Variants in LUZP2 observed in about 807,000 individuals in gnomAD.
LUZP2 encodes leucine zipper protein 2.
A neutral mutation model predicts 51.6 loss-of-function variants in LUZP2; 52 were observed. That is an observed-to-expected ratio of 1.01 (90% CI 0.81 to 1.27). The LOEUF is 1.27. Among genes scored for constraint, LUZP2 ranks in the 50% most tolerant of loss-of-function variants. The pLI is 0.00. For missense variants in LUZP2, 436 were observed against 395.4 expected (o/e 1.10, Z -0.87); for synonymous variants, 154 against 137.3 (o/e 1.12, Z -0.85).
At chr11:24,818,649 TCAA>T (rs1174077041) in intron 5 of LUZP2, among the ~76,000 whole-genome samples, 1 of 152,084 alleles carries the variant, frequency 6.6e-6, no homozygotes, top group Admixed American at 6.6e-5. Context: ...ATTTGTTTAT[TCAA>T]CAAATATTTA....
chr11:25,033,402 CAT>C (rs1219983047), intron 9 of LUZP2, among the ~76,000 whole-genome samples: 4 of 146,386 alleles, frequency 2.7e-5, no homozygotes, highest in South Asian at 4.5e-4. Flanking sequence ...TAAAAATAAA[CAT>C]GTTAGAATCA....
intron 1 of LUZP2, among the ~76,000 whole-genome samples, chr11:24,712,601 A>T (rs542515854): frequency 5.9e-5 from 9 of 152,124 alleles, no homozygotes; most frequent in Non-Finnish European, 1.2e-4. Context: ...ATTTGATCAG[A>T]TATGGAGGGT....
chr11:24,507,838 G>A (rs1850187513), intron 1 of LUZP2, among the ~76,000 whole-genome samples: 1 of 151,892 alleles, frequency 6.6e-6, no homozygotes, highest in African/African-American at 2.4e-5. Context: ...GGTTGGTTTT[G>A]CATGATGTTA....
intron 1 of LUZP2, among the ~76,000 whole-genome samples, chr11:24,546,764 T>C (rs944596969): frequency 3.9e-5 from 6 of 152,076 alleles, no homozygotes; most frequent in Admixed American, 6.6e-5. Flanking sequence ...CAGGTTTTTG[T>C]ATCAGAATGA....
rs1304693659 is a variant in LUZP2, at chr11:24,824,390, A to AAAAAAAAAAAAT, written c.396+61085_396+61086insAAAAAAAATAAA. Among the ~76,000 whole-genome samples the AAAAAAAAAAAAT allele has an allele frequency of 1.8e-4, 26 of 147,674 alleles. 1 individual carries two copies. Among genetic ancestry groups the AAAAAAAAAAAAT allele is most frequent in the African/African-American group, 6.3e-4 (25 of 39,404 alleles). On this transcript the variant is annotated intron_variant, in intron 5 of 11. Transcript: ENST00000336930. ...TCAAAAAAAAAAAAAAAAAAAAAAA[A>AAAAAAAAAAAAT]AAATGAGTGGTACCATTTACTGTGA...
chr11:24,959,347 G>A (rs1028233380), intron 7 of LUZP2, among the ~76,000 whole-genome samples: 1 of 152,120 alleles, frequency 6.6e-6, no homozygotes, highest in Non-Finnish European at 1.5e-5. Flanking sequence ...ACCTTGGGCA[G>A]TATGGCCATT....
At chr11:24,691,722 G>A (rs1418276467) in intron 1 of LUZP2, among the ~76,000 whole-genome samples, 3 of 152,004 alleles carry the variant, frequency 2.0e-5, no homozygotes, top group African/African-American at 7.2e-5. Context: ...GACTTAACAA[G>A]TTGTTATTTG....
intron 10 of LUZP2, among the ~76,000 whole-genome samples, chr11:25,052,033 C>G (rs937905244): frequency 6.6e-6 from 1 of 152,050 alleles, no homozygotes; most frequent in Non-Finnish European, 1.5e-5. Context: ...TCAGTCTGGA[C>G]CTGGGGCTCT....
At chr11:24,664,542 C>G (rs1016533394) in intron 1 of LUZP2, among the ~76,000 whole-genome samples, 4 of 152,098 alleles carry the variant, frequency 2.6e-5, no homozygotes, top group Admixed American at 2.0e-4. Context: ...CCTCCTCCCC[C>G]ACTCCATCAC....
intron 1 of LUZP2, among the ~76,000 whole-genome samples, chr11:24,716,139 T>G (rs1207412271): frequency 1.3e-5 from 2 of 152,198 alleles, no homozygotes; most frequent in African/African-American, 4.8e-5. Context: ...GCTATAGTTA[T>G]GCTTGCTATA....
intron 7 of LUZP2, among the ~76,000 whole-genome samples, chr11:24,945,435 CT>C (rs1854871388): frequency 6.6e-6 from 1 of 151,948 alleles, no homozygotes; most frequent in Admixed American, 6.6e-5. Flanking sequence ...TATGACAGGG[CT>C]CCCTGAATTC....
At chr11:24,602,742 A>G (rs930311211) in intron 1 of LUZP2, among the ~76,000 whole-genome samples, 28 of 151,660 alleles carry the variant, frequency 1.8e-4, no homozygotes, top group African/African-American at 6.0e-4. Context: ...AGCACCTTGG[A>G]TGTATGGGCA....
At chr11:24,880,355 G>GT (rs61262473) in intron 5 of LUZP2, among the ~76,000 whole-genome samples, 73,940 of 152,022 alleles carry the variant, frequency 0.49, 18,460 homozygotes, top group East Asian at 0.69. Context: ...ATTCAACACT[G>GT]TTTTCCTACT....
At chr11:24,768,436 G>A (rs570950995) in intron 5 of LUZP2, among the ~76,000 whole-genome samples, 2 of 152,226 alleles carry the variant, frequency 1.3e-5, no homozygotes, top group African/African-American at 2.4e-5. Flanking sequence ...GGTGTTAGTT[G>A]GATAATGTTC....
intron 5 of LUZP2, among the ~76,000 whole-genome samples, chr11:24,860,968 T>G (rs1257039919): frequency 6.6e-6 from 1 of 152,130 alleles, no homozygotes; most frequent in African/African-American, 2.4e-5. Flanking sequence ...ATGGATGAAT[T>G]AACAGAAGTA....
chr11:25,035,252 C>A (rs1213351871), intron 9 of LUZP2, among the ~76,000 whole-genome samples: 1 of 152,002 alleles, frequency 6.6e-6, no homozygotes, highest in Admixed American at 6.6e-5. Context: ...AACTATTTTT[C>A]TTTGCTGATA....
intron 1 of LUZP2, among the ~76,000 whole-genome samples, chr11:24,566,602 A>ATATG (rs1210341501): frequency 8.2e-6 from 1 of 122,442 alleles, no homozygotes; most frequent in Non-Finnish European, 1.6e-5. Context: ...GTGTATATAT[A>ATATG]TATGTATGTA....
chr11:24,794,390 C>A (rs1849492306), intron 5 of LUZP2, among the ~76,000 whole-genome samples: 1 of 152,092 alleles, frequency 6.6e-6, no homozygotes, highest in South Asian at 2.1e-4. Context: ...GCAGTCTCTG[C>A]TAATCTTTAC....
chr11:24,855,660 A>T (rs2134233099), intron 5 of LUZP2, among the ~76,000 whole-genome samples: 1 of 152,316 alleles, frequency 6.6e-6, no homozygotes, highest in Non-Finnish European at 1.5e-5. Flanking sequence ...GAACAACCAA[A>T]GCAATCCTAA....
Sources: gnomAD v4.1 joint callset for allele counts (sites outside exome capture counted in the v4.1 genomes callset) on GRCh38, gnomAD v4.1.1 for gene constraint, MANE v1.5 for transcripts, NCBI Gene and HGNC (gene_info 2026-07-23, HGNC 2026-07-21) for gene names.